NKAIN3: variants seen among roughly 807,000 people sequenced by gnomAD.
NKAIN3 encodes sodium/potassium transporting ATPase interacting 3, also known as sodium/potassium-transporting ATPase subunit beta-1-interacting protein 3.
Under a neutral mutation model 30.2 loss-of-function variants are expected in NKAIN3, and 25 were observed. The observed-to-expected ratio is 0.83, with a 90% CI of 0.60 to 1.16. The LOEUF is 1.16. Among genes scored for constraint, NKAIN3 ranks in the 50% most tolerant of loss-of-function variants. NKAIN3 has a pLI of 0.00. For synonymous variants in NKAIN3, 91 were observed against 89.6 expected, an observed-to-expected ratio of 1.02 and a Z score of -0.09; for missense variants, 225 against 254.1, an observed-to-expected ratio of 0.89 and a Z score of 0.78.
rs976834344 is a variant in NKAIN3 at position 62,930,901 on chromosome 8, G to A, written c.532+12388G>A. Among the ~76,000 whole-genome samples, 15 of 151,916 alleles carry A rather than the reference G, an allele frequency of 9.9e-5. 1 individual carries two copies. The highest frequency in any genetic ancestry group is 7.9e-4 in the Admixed American group (12 of 15,252). ...TTTTTGTATTTTTAGTAGAGATGGG[G>A]TTTCACCATGTTAGCCAGGATGATC... On this transcript the variant is annotated intron_variant, in intron 5 of 6. Transcript: ENST00000623646.
intron 1 of NKAIN3, among the ~76,000 whole-genome samples, chr8:62,528,870 G>A (rs1357082590): frequency 6.6e-6 from 1 of 152,058 alleles, no homozygotes; most frequent in Non-Finnish European, 1.5e-5. Context: ...TATATTGAGT[G>A]CCTACACTTT....
intron 1 of NKAIN3, among the ~76,000 whole-genome samples, chr8:62,373,184 T>G (rs1816962201): frequency 6.6e-6 from 1 of 152,146 alleles, no homozygotes; most frequent in Admixed American, 6.5e-5. Context: ...TATCCCTTTT[T>G]GGTTCGGATA....
chr8:62,946,197 C>G (rs181944810), intron 5 of NKAIN3, among the ~76,000 whole-genome samples: 1 of 152,304 alleles, frequency 6.6e-6, no homozygotes, highest in African/African-American at 2.4e-5. Flanking sequence ...GCTTGGACAT[C>G]TCTTCGGGAT....
At chr8:62,861,521 C>T (rs1412429451) in intron 4 of NKAIN3, among the ~76,000 whole-genome samples, 1 of 152,196 alleles carries the variant, frequency 6.6e-6, no homozygotes, top group Non-Finnish European at 1.5e-5. Context: ...TCACTTCCAG[C>T]AGCCTCCCTT....
intron 3 of NKAIN3, among the ~76,000 whole-genome samples, chr8:62,738,733 G>A (rs907810643): frequency 1.3e-5 from 2 of 151,060 alleles, no homozygotes; most frequent in Admixed American, 6.6e-5. Context: ...TTTGCCCTTT[G>A]TCAGATTGAT....
At position 62,935,561 on chromosome 8, in the gene NKAIN3, A is replaced by G. The variant is rs1028203529; in HGVS notation, c.532+17048A>G. On this transcript the variant is annotated intron_variant, in intron 5 of 6. Coordinates refer to ENST00000623646, the MANE Select transcript of NKAIN3 (RefSeq NM_001304533.3). ...ATTTTGGGTGCCAAAATCCAAATGC[A>G]TTCCAAAATGCAGTAGTACCTTTCT... Among the ~76,000 whole-genome samples the G allele has an allele frequency of 3.3e-5, 5 of 152,138 alleles. 1 individual carries two copies. The highest frequency in any genetic ancestry group is 1.2e-4 in the African/African-American group (5 of 41,388).
chr8:62,255,965 GT>G lies in NKAIN3; in HGVS notation c.54+6841del, dbSNP rs375073336. On this transcript the variant is annotated intron_variant, in intron 1 of 6. Transcript: ENST00000623646. ...CTGAGGTAGATCGAGGTTTGGGAAC[GT>G]TTACTCAAATGAAGAGTTCCCTGGG... Among the ~76,000 whole-genome samples the G allele has an allele frequency of 6.6e-5, 10 of 151,960 alleles. No individual in the cohort carries two copies. The East Asian group carries it at 9.7e-4, about 15-fold the overall frequency.
At chr8:62,799,304 G>C (rs567420044) in intron 4 of NKAIN3, among the ~76,000 whole-genome samples, 36 of 152,188 alleles carry the variant, frequency 2.4e-4, no homozygotes, top group African/African-American at 8.2e-4. Context: ...ATCTGACAAA[G>C]TACTAATATC....
chr8:62,992,509 G>T (rs891145835), intron 5 of NKAIN3, among the ~76,000 whole-genome samples: 1 of 151,930 alleles, frequency 6.6e-6, no homozygotes, highest in Non-Finnish European at 1.5e-5. Flanking sequence ...TGTCCCATTG[G>T]GTTGCTATGG....
At chr8:62,256,050 C>G (rs1363387471) in intron 1 of NKAIN3, among the ~76,000 whole-genome samples, 1 of 151,990 alleles carries the variant, frequency 6.6e-6, no homozygotes, top group African/African-American at 2.4e-5. Flanking sequence ...AGGAGCAAAC[C>G]CAGTTTCTGA....
At chr8:62,401,308 A>G (rs1230855666) in intron 1 of NKAIN3, among the ~76,000 whole-genome samples, 1 of 151,728 alleles carries the variant, frequency 6.6e-6, no homozygotes, top group Non-Finnish European at 1.5e-5. Flanking sequence ...TGTTAAATTT[A>G]TCTCATAGGA....
chr8:62,298,042 A>T (rs1484263092), intron 1 of NKAIN3, among the ~76,000 whole-genome samples: 1 of 151,926 alleles, frequency 6.6e-6, no homozygotes, highest in Non-Finnish European at 1.5e-5. Context: ...ATGAAATTGG[A>T]AATCATCATT....
intron 5 of NKAIN3, among the ~76,000 whole-genome samples, chr8:62,931,769 C>T (rs1460716162): frequency 2.6e-5 from 4 of 152,180 alleles, no homozygotes; most frequent in African/African-American, 4.8e-5. Context: ...GAAGACTTTA[C>T]TCCTACTAAG....
intron 3 of NKAIN3, among the ~76,000 whole-genome samples, chr8:62,745,169 A>C (rs2130579403): frequency 6.6e-6 from 1 of 152,270 alleles, no homozygotes; most frequent in East Asian, 1.9e-4. Flanking sequence ...GCTTCCTCTA[A>C]GTTTTCAGAG....
intron 1 of NKAIN3, among the ~76,000 whole-genome samples, chr8:62,362,246 G>A (rs1462894891): frequency 6.6e-6 from 1 of 152,132 alleles, no homozygotes. Context: ...CAGAATAGGA[G>A]CCCCAGGCAG....
intron 1 of NKAIN3, among the ~76,000 whole-genome samples, chr8:62,421,620 T>TCTC (rs1804643406): frequency 6.7e-6 from 1 of 148,194 alleles, no homozygotes; most frequent in African/African-American, 2.5e-5. Context: ...CTCTCTCTCT[T>TCTC]TCTCTCTCTC....
intron 1 of NKAIN3, among the ~76,000 whole-genome samples, chr8:62,489,235 C>T (rs1806996151): frequency 3.3e-5 from 5 of 151,336 alleles, no homozygotes; most frequent in Non-Finnish European, 5.9e-5. Flanking sequence ...CCATGTTAGC[C>T]AGGATGGTCT....
At chr8:62,712,207 G>T (rs762699334) in intron 3 of NKAIN3, among the ~76,000 whole-genome samples, 1 of 152,126 alleles carries the variant, frequency 6.6e-6, no homozygotes, top group African/African-American at 2.4e-5. Flanking sequence ...ATTTTTGTGC[G>T]GTTGGCCTCC....
chr8:62,422,641 GAA>G (rs1804679106), intron 1 of NKAIN3, among the ~76,000 whole-genome samples: 1 of 152,052 alleles, frequency 6.6e-6, no homozygotes, highest in Admixed American at 6.6e-5. Context: ...CATTGAAACT[GAA>G]TGTTATGTCA....
Sources: allele counts gnomAD v4.1 joint callset (sites outside exome capture counted in the v4.1 genomes callset), GRCh38; gene constraint gnomAD v4.1.1; transcripts MANE v1.5; gene names NCBI Gene and HGNC (gene_info 2026-07-23, HGNC 2026-07-21).